Variants in TLN2 observed in about 807,000 individuals in gnomAD.
TLN2 encodes talin-2.
TLN2 carries 118 observed loss-of-function variants against 294.7 expected under a neutral mutation model. That is an observed-to-expected ratio of 0.40 (90% CI 0.34 to 0.47). The LOEUF (loss-of-function observed/expected upper bound fraction) is 0.47. Ranked by LOEUF, TLN2 falls within the 20% of genes least tolerant of loss-of-function variation. TLN2 has a pLI of 0.84. For synonymous variants in TLN2, 1,431 were observed against 1,304.5 expected, an observed-to-expected ratio of 1.10 and a Z score of -2.09; for missense variants, 3,083 against 3,282.2, an observed-to-expected ratio of 0.94 and a Z score of 1.48.
At chr15:62,717,209 GTGCTTGACACAGAACCATCTACGC>G in intron 23 of TLN2, among the ~76,000 whole-genome samples, 1 of 152,200 alleles carries the variant, frequency 6.6e-6, no homozygotes, top group East Asian at 1.9e-4. Context: ...ACCAGCATTT[GTGCTTGACACAGAACCATCTACGC>G]TGCTTGTGGG....
intron 1 of TLN2, among the ~76,000 whole-genome samples, chr15:62,479,203 A>G (rs925979526): frequency 2.6e-5 from 4 of 152,126 alleles, no homozygotes; most frequent in African/African-American, 9.7e-5. Flanking sequence ...CAGCTCTGTA[A>G]TGTGATAACC....
In TLN2 at chr15:62,708,668, C is replaced by A; in HGVS notation, c.2339C>A (p.Ala780Asp). 6.2e-7 allele frequency: 1 copy of A among 1,614,166 alleles called. No individual in the cohort carries two copies. Among genetic ancestry groups the A allele is most frequent in the African/African-American group, 1.3e-5 (1 of 75,064 alleles). ...VSAAASVVSQ[A>D]LHDLLQHVRQ... ...GCAGCGGCCAGCGTGGTCAGCCAGG[C>A]CCTCCATGATCTCCTGCAGCATGTG... The change falls in exon 21 of 59, where the codon GCC becomes GAC. Residue 780 changes from alanine (A) to aspartate (D), a missense_variant. Ala to Asp is a moderately radical substitution (Grantham distance 126). Transcript: ENST00000636159.
chr15:62,408,100 C>T (rs1234491618), intron 1 of TLN2, among the ~76,000 whole-genome samples: 5 of 152,194 alleles, frequency 3.3e-5, no homozygotes, highest in South Asian at 2.1e-4. Context: ...ATTGTCCCTC[C>T]GTTAGTGGAA....
intron 11 of TLN2, among the ~76,000 whole-genome samples, chr15:62,675,694 G>A (rs1003150991): frequency 2.0e-5 from 3 of 152,170 alleles, no homozygotes; most frequent in Admixed American, 6.5e-5. Flanking sequence ...AGACCAAATC[G>A]AATTCATGTG....
At chr15:62,547,859 GTTGCCTCTGAAATTGCTGTCTATCC>G (rs148728147) in intron 1 of TLN2, among the ~76,000 whole-genome samples, 1,780 of 152,280 alleles carry the variant, frequency 0.012, 35 homozygotes, top group African/African-American at 0.041. Flanking sequence ...GTTGGAATAT[GTTGCCTCTGAAATTGCTGTCTATCC>G]TCTACATTGC....
chr15:62,573,147 C>T (rs906225554), intron 1 of TLN2, among the ~76,000 whole-genome samples: 1 of 152,174 alleles, frequency 6.6e-6, no homozygotes, highest in Admixed American at 6.5e-5. Flanking sequence ...GTGTGGTTTC[C>T]CCAGAAATGC....
In TLN2 at chr15:62,750,420, G is replaced by A. The variant is rs766777022; in HGVS notation, c.4138G>A (p.Asp1380Asn). Reference sequence around the variant, plus strand: ...TCTGTAGACTGTGAAGGGGATGTTGGACAATCCTAATGAACCTGTTAGTGA... The same window carrying A: ...TCTGTAGACTGTGAAGGGGATGTTGAACAATCCTAATGAACCTGTTAGTGA... ...RELETVKGML[D>N]NPNEPVSDLS... The change falls in exon 34 of 59, where the codon GAC becomes AAC. Residue 1380 changes from aspartate (D) to asparagine (N), a missense_variant. Transcript: ENST00000636159. 1.2e-6 allele frequency: 2 copies of A among 1,614,162 alleles called. No individual in the cohort carries two copies. The highest frequency in any genetic ancestry group is 8.5e-7 in the Non-Finnish European group (1 of 1,179,996).
chr15:62,658,185 C>A (rs76084853), intron 9 of TLN2: 38 of 168,706 alleles, frequency 2.3e-4, no homozygotes, highest in East Asian at 5.6e-4. Flanking sequence ...AAAAAAAAAC[C>A]AAAAAAAAAA....
intron 1 of TLN2, among the ~76,000 whole-genome samples, chr15:62,467,447 C>T (rs898559541): frequency 6.6e-6 from 1 of 152,038 alleles, no homozygotes; most frequent in Non-Finnish European, 1.5e-5. Context: ...AATCCCAGCA[C>T]TTTGGGAGGT....
chr15:62,634,885 A>T (rs764567359), intron 3 of TLN2, among the ~76,000 whole-genome samples: 9 of 152,066 alleles, frequency 5.9e-5, no homozygotes, highest in Non-Finnish European at 1.2e-4. Context: ...TGTCATTTCG[A>T]CTGTTTGCAA....
At chr15:62,810,634 G>A (rs532359407) in intron 52 of TLN2, among the ~76,000 whole-genome samples, 64 of 151,046 alleles carry the variant, frequency 4.2e-4, no homozygotes, top group Admixed American at 2.0e-4. Context: ...GGCTGCCCAC[G>A]TGGGAGCCTC....
At chr15:62,755,957 G>C (rs1237043469) in intron 37 of TLN2, among the ~76,000 whole-genome samples, 1 of 152,212 alleles carries the variant, frequency 6.6e-6, no homozygotes, top group Admixed American at 6.5e-5. Flanking sequence ...CTTAGGGACA[G>C]AACTCTGGTG....
Position 62,399,116 on chromosome 15 carries a change from G to C in TLN2, c.-238+8431G>C, listed in dbSNP as rs376968464. Among the ~76,000 whole-genome samples, 61 of 152,212 alleles carry C rather than the reference G, an allele frequency of 4.0e-4. 1 individual carries two copies. The highest frequency in any genetic ancestry group is 3.4e-3 in the Middle Eastern group (1 of 294). On this transcript the variant is annotated intron_variant, in intron 1 of 58. Coordinates refer to ENST00000636159, the MANE Select transcript of TLN2 (RefSeq NM_015059.3). ...AAGCCCCAAGCCGTGGCAGCTTCCA[G>C]TTGATGTTGGTCCTGCAGGCGTGCA... is the stretch of plus-strand genomic sequence containing the variant.
intron 12 of TLN2, 80 bp from the exon 13 acceptor site, chr15:62,692,760 G>T: frequency 9.4e-7 from 1 of 1,062,820 alleles, no homozygotes; most frequent in Admixed American, 1.8e-5. Context: ...ATGTCATATT[G>T]TTCTAGAGCT....
chr15:62,595,835 T>G lies in TLN2; in HGVS notation c.-162+6073T>G, dbSNP rs7164017. Among the ~76,000 whole-genome samples the G allele has an allele frequency of 2.2e-3, 335 of 152,240 alleles. 3 individuals carry two copies. Among genetic ancestry groups the G allele is most frequent in the African/African-American group, 7.7e-3 (319 of 41,528 alleles). ...ACAAATACCCGTGTTCTTAATTACA[T>G]GTGGAATCTAAAAAATTTGAACTCA... On this transcript the variant is annotated intron_variant, in intron 2 of 58. Transcript: ENST00000636159.
chr15:62,435,535 A>T (rs1383436124), intron 1 of TLN2, among the ~76,000 whole-genome samples: 2 of 151,762 alleles, frequency 1.3e-5, no homozygotes, highest in African/African-American at 2.4e-5. Flanking sequence ...TTTGATTTTT[A>T]AAATTATTTT....
intron 1 of TLN2, among the ~76,000 whole-genome samples, chr15:62,404,333 C>G (rs544446913): frequency 1.3e-5 from 2 of 152,290 alleles, no homozygotes; most frequent in Admixed American, 1.3e-4. Context: ...ACTTTTGTCT[C>G]TGGGTTGAAG....
intron 52 of TLN2, among the ~76,000 whole-genome samples, chr15:62,810,717 A>AGGT (rs1459172146): frequency 6.6e-6 from 1 of 152,164 alleles, no homozygotes; most frequent in Non-Finnish European, 1.5e-5. Flanking sequence ...ACCAAGAAGT[A>AGGT]GGTACAGTGT....
At chr15:62,420,525 C>T (rs2034328062) in intron 1 of TLN2, among the ~76,000 whole-genome samples, 2 of 152,034 alleles carry the variant, frequency 1.3e-5, no homozygotes, top group African/African-American at 4.8e-5. Context: ...GCCTTCCGAG[C>T]AGCTGGGACT....
Sources: gnomAD v4.1 joint callset for allele counts (sites outside exome capture counted in the v4.1 genomes callset) on GRCh38, gnomAD v4.1.1 for gene constraint, MANE v1.5 for transcripts, NCBI Gene and HGNC (gene_info 2026-07-23, HGNC 2026-07-21) for gene names.